The following KDM4B variants were observed in gnomAD, a reference collection of about 807,000 sequenced individuals.
KDM4B encodes the protein lysine demethylase 4B, also known as lysine-specific demethylase 4B.
Under a neutral mutation model 125.2 loss-of-function variants are expected in KDM4B, and 32 were observed. The ratio of observed to expected loss-of-function variants is 0.26; its 90% CI spans 0.19 to 0.34. The LOEUF is 0.34. KDM4B is among the 10% of genes least tolerant of loss of function. KDM4B has a pLI of 1.00. For synonymous variants in KDM4B, 721 were observed against 677.9 expected (o/e 1.06, Z -0.99); for missense variants, 1,190 against 1,577.7 (o/e 0.75, Z 4.16).
intron 2 of KDM4B, among the ~76,000 whole-genome samples, chr19:5,022,550 T>C (rs981578373): frequency 6.6e-6 from 1 of 152,138 alleles, no homozygotes; most frequent in African/African-American, 2.4e-5. Context: ...ACTGAGGACA[T>C]TGGGAGTGCC....
rs1388789760 is a variant in KDM4B, at chr19:5,151,662, C to T, written c.*151C>T. ...TGCCCCCTAGGGCGACAGGAGCCAG[C>T]GGGACGCCGCACGCGGCCCCAGACT... On this transcript the variant is annotated 3_prime_UTR_variant, in exon 23 of 23. Transcript: ENST00000159111. 7 of 627,298 alleles carry T rather than the reference C, an allele frequency of 1.1e-5. No individual in the cohort carries two copies. Among genetic ancestry groups the T allele is most frequent in the South Asian group, 1.5e-4 (2 of 13,728 alleles). 38.9% of individuals were successfully genotyped at this position (627,298 alleles called of 1,614,324 possible). A position where few individuals can be genotyped will look rare whatever the true frequency, so the allele number is the denominator to read the frequency against.
Position 5,144,361 on chromosome 19 carries a change from G to T in KDM4B, c.2850G>T (p.Val950=), listed in dbSNP as rs2039801250. 6.4e-7 allele frequency: 1 copy of T among 1,569,414 alleles called. No individual in the cohort carries two copies. The highest frequency in any genetic ancestry group is 2.4e-5 in the East Asian group (1 of 42,506). The part of the protein sequence containing the change: ...IGAASQTCYE[V]NFDDGSYSDN... ...CCGCCTCGCAGACCTGCTACGAAGT[G>T]AACTTCGACGATGGCTCCTACAGCG... Residue 950 remains valine (V), a synonymous_variant, in exon 20 of 23, where the codon GTG becomes GTT. Transcript: ENST00000159111.
At chr19:5,037,668 C>T (rs950149439) in intron 3 of KDM4B, among the ~76,000 whole-genome samples, 1 of 152,236 alleles carries the variant, frequency 6.6e-6, no homozygotes, top group East Asian at 1.9e-4. Context: ...GGGGCCGCAT[C>T]GTTCTCTGGG....
At chr19:5,136,486 C>T (rs1477693737) in intron 15 of KDM4B, among the ~76,000 whole-genome samples, 1 of 152,192 alleles carries the variant, frequency 6.6e-6, no homozygotes, top group African/African-American at 2.4e-5. Context: ...CTCGCGTTGT[C>T]TCCTGGCTGG....
intron 1 of KDM4B, among the ~76,000 whole-genome samples, chr19:5,006,560 G>C (rs551767744): frequency 2.8e-4 from 43 of 152,270 alleles, no homozygotes; most frequent in African/African-American, 1.0e-3. Flanking sequence ...ATCCCCTGAG[G>C]TCAGGAGTTC....
At chr19:5,098,608 TCA>T (rs1380256383) in intron 9 of KDM4B, among the ~76,000 whole-genome samples, 1 of 152,126 alleles carries the variant, frequency 6.6e-6, no homozygotes, top group African/African-American at 2.4e-5. Context: ...CTGTGTCCCC[TCA>T]GAGTCATCTG....
rs1001118982 is a variant in KDM4B at position 5,081,137 on chromosome 19, T to G, written c.781-1230T>G. 11 of 152,218 alleles carry G rather than the reference T, an allele frequency of 7.2e-5. No individual in the cohort carries two copies. Among genetic ancestry groups the G allele is most frequent in the African/African-American group, 2.7e-4 (11 of 41,428 alleles). The allele number at this position is 152,218 out of a possible 1,614,324, so 9.4% of individuals were successfully genotyped here. A position where few individuals can be genotyped will look rare whatever the true frequency, so the allele number is the denominator to read the frequency against. On this transcript the variant is annotated intron_variant, in intron 8 of 22. Transcript: ENST00000159111. This position sits in a 1 kb window ranked among gnomAD's most constrained non-coding sequence, Gnocchi z 4.2. ...GCCCAGAACTCCGAGCAGCCTGTGA[T>G]CCCTGCGTTTTACTGGATGTTAAAT...
intron 2 of KDM4B, among the ~76,000 whole-genome samples, chr19:5,031,131 C>G (rs1373695192): frequency 6.6e-6 from 1 of 152,234 alleles, no homozygotes; most frequent in Non-Finnish European, 1.5e-5. Flanking sequence ...CACTACATGG[C>G]CACATCTGGG....
intron 10 of KDM4B, among the ~76,000 whole-genome samples, chr19:5,116,193 G>A (rs1599218762): frequency 8.0e-6 from 1 of 124,388 alleles, no homozygotes. Context: ...TTGAGGCCCA[G>A]AGTTCGAGGT....
chr19:5,014,597 GAC>G (rs2145507683), intron 1 of KDM4B, among the ~76,000 whole-genome samples: 1 of 152,176 alleles, frequency 6.6e-6, no homozygotes, highest in East Asian at 1.9e-4. Flanking sequence ...TTTTTGTAGA[GAC>G]AGAGTCTCAC....
chr19:4,981,449 C>T (rs1297890468), intron 1 of KDM4B, among the ~76,000 whole-genome samples: 2 of 152,182 alleles, frequency 1.3e-5, no homozygotes, highest in Non-Finnish European at 2.9e-5. Flanking sequence ...GAGCACGCTG[C>T]TCCCTGGGTC....
At chr19:5,067,628 C>T (rs529179348) in intron 6 of KDM4B, among the ~76,000 whole-genome samples, 27 of 127,386 alleles carry the variant, frequency 2.1e-4, no homozygotes, top group Middle Eastern at 3.7e-3. Flanking sequence ...GTGGTGCTGG[C>T]ATGGGGGAGG....
At chr19:5,090,601 T>C (rs1324461483) in intron 9 of KDM4B, among the ~76,000 whole-genome samples, 1 of 66,456 alleles carries the variant, frequency 1.5e-5, no homozygotes, top group African/African-American at 6.3e-5. Context: ...TCCCTCTCTT[T>C]CTCTCTCTCT....
At chr19:4,995,724 T>C (rs932528366) in intron 1 of KDM4B, among the ~76,000 whole-genome samples, 1 of 152,238 alleles carries the variant, frequency 6.6e-6, no homozygotes, top group Non-Finnish European at 1.5e-5. Context: ...TGGAGGGACC[T>C]TGGGTCCCAG....
At chr19:5,118,915 CAG>C (rs1206239839) in intron 10 of KDM4B, among the ~76,000 whole-genome samples, 2 of 152,178 alleles carry the variant, frequency 1.3e-5, no homozygotes, top group South Asian at 2.1e-4. Context: ...ATCCTGGGCT[CAG>C]GGCGCAGAGG....
intron 1 of KDM4B, among the ~76,000 whole-genome samples, chr19:5,007,081 G>A (rs1473902734): frequency 3.3e-5 from 5 of 152,200 alleles, no homozygotes; most frequent in African/African-American, 9.6e-5. Flanking sequence ...GAATCTTCTA[G>A]AAGGGCCTTG....
intron 9 of KDM4B, among the ~76,000 whole-genome samples, chr19:5,083,889 G>A (rs2038384578): frequency 6.6e-6 from 1 of 152,172 alleles, no homozygotes; most frequent in South Asian, 2.1e-4. Flanking sequence ...AGATGTGGGG[G>A]AGGTGTGATA....
chr19:5,116,074 A>C (rs1039640956), intron 10 of KDM4B, among the ~76,000 whole-genome samples: 1 of 151,958 alleles, frequency 6.6e-6, no homozygotes, highest in African/African-American at 2.4e-5. Context: ...AAGGCCCTGA[A>C]AGCTTCCAGA....
chr19:5,088,968 C>T (rs543187132), intron 9 of KDM4B, among the ~76,000 whole-genome samples: 31 of 152,254 alleles, frequency 2.0e-4, no homozygotes, highest in South Asian at 1.2e-3. Context: ...GAGGCTACAC[C>T]GTGCGAGACC....
Sources: gnomAD v4.1 joint callset for allele counts (sites outside exome capture counted in the v4.1 genomes callset) on GRCh38, gnomAD v4.1.1 for gene constraint, Gnocchi (gnomAD v3.1) non-coding constraint, MANE v1.5 for transcripts, NCBI Gene and HGNC (gene_info 2026-07-23, HGNC 2026-07-21) for gene names.